Variants in LAMA2 observed in about 807,000 individuals in gnomAD.
LAMA2 encodes laminin subunit alpha-2.
A neutral mutation model predicts 364.8 loss-of-function variants in LAMA2; 269 were observed. The ratio of observed to expected loss-of-function variants is 0.74; its 90% CI spans 0.67 to 0.82. The LOEUF (loss-of-function observed/expected upper bound fraction) is 0.82, where lower values mean the gene tolerates loss of function less well. LAMA2 is among the 40% of genes least tolerant of loss of function. LAMA2 has a pLI of 0.00. For missense variants in LAMA2, 3,807 were observed against 3,873.2 expected (o/e 0.98, Z 0.45); for synonymous variants, 1,379 against 1,370.6 (o/e 1.01, Z -0.14).
chr6:129,035,255 A>G (rs1256964994), intron 1 of LAMA2, among the ~76,000 whole-genome samples: 1 of 128,374 alleles, frequency 7.8e-6, no homozygotes, highest in Non-Finnish European at 1.7e-5. Flanking sequence ...GCATTTTTTC[A>G]TTTGCTTTTT....
At chr6:129,375,500 G>A (rs1003077553) in intron 34 of LAMA2, among the ~76,000 whole-genome samples, 2 of 152,150 alleles carry the variant, frequency 1.3e-5, no homozygotes, top group African/African-American at 4.8e-5. Context: ...TGACAATCTG[G>A]TAACTAAATC....
intron 29 of LAMA2, among the ~76,000 whole-genome samples, chr6:129,336,028 A>T (rs555805022): frequency 2.4e-4 from 37 of 152,360 alleles, no homozygotes; most frequent in Non-Finnish European, 2.9e-5. Flanking sequence ...GTAAGCAATA[A>T]AACATCTTTC....
chr6:129,296,310 A>G (rs991931988), intron 20 of LAMA2, among the ~76,000 whole-genome samples: 2 of 152,004 alleles, frequency 1.3e-5, no homozygotes, highest in Non-Finnish European at 2.9e-5. Flanking sequence ...TCTTTTACTA[A>G]TAATGATATT....
At chr6:129,345,657 T>G (rs1198712776) in intron 30 of LAMA2, among the ~76,000 whole-genome samples, 1 of 152,176 alleles carries the variant, frequency 6.6e-6, no homozygotes, top group Non-Finnish European at 1.5e-5. Context: ...CTTTTTTATA[T>G]CATAAGCCAG....
chr6:129,426,247 G>C (rs1781319315), intron 40 of LAMA2, among the ~76,000 whole-genome samples: 1 of 152,130 alleles, frequency 6.6e-6, no homozygotes, highest in Non-Finnish European at 1.5e-5. Flanking sequence ...CAGATTGTCA[G>C]CTGTCACTTC....
chr6:128,988,416 A>C (rs1287103802), intron 1 of LAMA2, among the ~76,000 whole-genome samples: 1 of 152,224 alleles, frequency 6.6e-6, no homozygotes, highest in Non-Finnish European at 1.5e-5. Flanking sequence ...AAAAATATGC[A>C]AAGTATAAAA....
At chr6:129,066,185 A>G (rs904815156) in intron 3 of LAMA2, among the ~76,000 whole-genome samples, 16 of 147,510 alleles carry the variant, frequency 1.1e-4, no homozygotes, top group Non-Finnish European at 2.1e-4. Flanking sequence ...AGCTGGGACT[A>G]CAGGCGCCCG....
At chr6:129,197,255 G>A (rs1010553906) in intron 12 of LAMA2, among the ~76,000 whole-genome samples, 9 of 152,150 alleles carry the variant, frequency 5.9e-5, no homozygotes, top group African/African-American at 1.9e-4. Context: ...CCCTTACTAA[G>A]TCTTTTCTGG....
chr6:129,219,327 A>T (rs1018648943), intron 12 of LAMA2, among the ~76,000 whole-genome samples: 32 of 152,120 alleles, frequency 2.1e-4, no homozygotes, highest in African/African-American at 7.7e-4. Context: ...TCAGGAAACA[A>T]CAGATGCTGG....
At chr6:129,178,381 A>G (rs1238885584) in intron 10 of LAMA2, among the ~76,000 whole-genome samples, 3 of 152,200 alleles carry the variant, frequency 2.0e-5, no homozygotes, top group African/African-American at 7.2e-5. Flanking sequence ...ATTTTCTTCC[A>G]AGATTACTTT....
At chr6:129,032,734 T>C (rs980172306) in intron 1 of LAMA2, among the ~76,000 whole-genome samples, 2 of 152,190 alleles carry the variant, frequency 1.3e-5, no homozygotes, top group African/African-American at 4.8e-5. Context: ...TTACAAATGC[T>C]TGTGACTTGG....
intron 1 of LAMA2, among the ~76,000 whole-genome samples, chr6:128,957,407 C>A (rs1021266281): frequency 2.5e-4 from 38 of 152,224 alleles, no homozygotes; most frequent in Middle Eastern, 6.8e-3. Flanking sequence ...GCATTTACAT[C>A]ATTCTATCAA....
chr6:129,250,352 C>T (rs1786089433), intron 13 of LAMA2, 139 bp downstream of exon 13: 4 of 671,056 alleles, frequency 6.0e-6, no homozygotes, highest in Non-Finnish European at 1.1e-5. Flanking sequence ...GATTTTTGTG[C>T]CACTCTTTTG....
chr6:128,939,524 ATAT>A (rs1780032241), intron 1 of LAMA2, among the ~76,000 whole-genome samples: 1 of 152,206 alleles, frequency 6.6e-6, no homozygotes, highest in Non-Finnish European at 1.5e-5. Flanking sequence ...CAAAAGTTAA[ATAT>A]TATAAATAAA....
At chr6:129,391,357 G>A in intron 35 of LAMA2, 134 bp from the exon 36 acceptor site, 1 of 772,854 alleles carries the variant, frequency 1.3e-6, no homozygotes, top group Admixed American at 1.8e-5. Flanking sequence ...AACTGCCTCT[G>A]TGGTTCCCAG....
chr6:129,077,232 A>G (rs1169360548), intron 3 of LAMA2, among the ~76,000 whole-genome samples: 1 of 152,130 alleles, frequency 6.6e-6, no homozygotes, highest in Non-Finnish European at 1.5e-5. Context: ...AAGATTTTCC[A>G]TCCATCATTG....
chr6:128,902,513 T>A (rs1415380925), intron 1 of LAMA2, among the ~76,000 whole-genome samples: 1 of 152,078 alleles, frequency 6.6e-6, no homozygotes, highest in Admixed American at 6.5e-5. Flanking sequence ...GATGAAGAAT[T>A]TTACACTATT....
At position 129,393,046 on chromosome 6, in the gene LAMA2, G is replaced by C; in HGVS notation, c.5236G>C (p.Ala1746Pro). The change falls in exon 37 of 65, where the codon GCT becomes CCT. Residue 1746 changes from alanine to proline, a missense_variant and splice_region_variant. Around this residue, in one of 3 missense-constraint regions of LAMA2, gnomAD observed 3,333 missense variants for 3,345.7 expected, o/e 1.00. Transcript: ENST00000421865. ...TTATTGGGCTGGGGGTGGTTACAGA[G>C]CTGCAGAAGCCCTTCTGAAAAAAGT... is the stretch of plus-strand genomic sequence containing the variant. ...QKEIAEDELV[A>P]AEALLKKVKK... 6.2e-7 allele frequency: 1 copy of C among 1,612,698 alleles called. No individual in the cohort carries two copies. Among genetic ancestry groups the C allele is most frequent in the Non-Finnish European group, 8.5e-7 (1 of 1,179,470 alleles).
chr6:129,399,867 A>T (rs1779867217), intron 37 of LAMA2, among the ~76,000 whole-genome samples: 1 of 152,168 alleles, frequency 6.6e-6, no homozygotes, highest in Admixed American at 6.5e-5. Context: ...AATAGAAGAG[A>T]TAGTATTTTC....
Sources: allele counts gnomAD v4.1 joint callset (sites outside exome capture counted in the v4.1 genomes callset), GRCh38; gene constraint gnomAD v4.1.1; regional missense constraint gnomAD v4.1.1; transcripts MANE v1.5; gene names NCBI Gene and HGNC (gene_info 2026-07-23, HGNC 2026-07-21).